The following ZNF69 variants were observed in gnomAD, a reference collection of about 807,000 sequenced individuals.
The protein encoded by ZNF69 is ZNF3.
In ZNF69, 47 loss-of-function variants were observed where a neutral mutation model predicts 50.9. That is an observed-to-expected ratio of 0.92 (90% CI 0.73 to 1.18). The LOEUF is 1.18. ZNF69 is among the 50% of genes most tolerant of loss of function. The pLI is 0.00. For missense variants in ZNF69, 717 were observed against 675.1 expected, an observed-to-expected ratio of 1.06 and a Z score of -0.69; for synonymous variants, 216 against 223.1, an observed-to-expected ratio of 0.97 and a Z score of 0.29.
the ZNF69 span, among the ~76,000 whole-genome samples, chr19:11,971,870 C>A: frequency 1.9e-4 from 29 of 152,108 alleles, no homozygotes; most frequent in Non-Finnish European, 4.1e-4. Flanking sequence ...TTGAGACCAG[C>A]CTGACAAACG....
At chr19:11,919,914 T>C in the ZNF69 span, among the ~76,000 whole-genome samples, 3 of 152,180 alleles carry the variant, frequency 2.0e-5, no homozygotes, top group South Asian at 2.1e-4. Context: ...AGCTAAGTCA[T>C]CCCAAGAGTC....
chr19:11,947,432 A>G, the ZNF69 span: 1 of 1,600,506 alleles, frequency 6.2e-7, no homozygotes, highest in Non-Finnish European at 8.5e-7. Context: ...GCATGGCTGC[A>G]GTAAATCATG....
At chr19:11,904,356 G>T (rs1021961577) in intron 3 of ZNF69, among the ~76,000 whole-genome samples, 7 of 152,130 alleles carry the variant, frequency 4.6e-5, no homozygotes, top group African/African-American at 1.7e-4. Flanking sequence ...CTCCAGTGTG[G>T]GCAACAGGAC....
chr19:11,906,936 T>A (rs1972385899), downstream of ZNF69, among the ~76,000 whole-genome samples: 1 of 152,112 alleles, frequency 6.6e-6, no homozygotes, highest in Admixed American at 6.5e-5. Flanking sequence ...TGAAAAAAGA[T>A]TAGACAAAAT....
the ZNF69 span, chr19:11,965,042 G>A: frequency 1.3e-6 from 1 of 796,910 alleles, no homozygotes; most frequent in Non-Finnish European, 2.1e-6. Context: ...TCGCATTCCT[G>A]TCCTCACCTT....
chr19:11,910,755 G>A (rs913694163), downstream of ZNF69, among the ~76,000 whole-genome samples: 2 of 152,184 alleles, frequency 1.3e-5, no homozygotes, highest in African/African-American at 4.8e-5. Context: ...TCAGGACATA[G>A]GCATGGGCAA....
chr19:11,922,105 C>T, the ZNF69 span, among the ~76,000 whole-genome samples: 2 of 151,918 alleles, frequency 1.3e-5, no homozygotes, highest in African/African-American at 4.8e-5. Context: ...ACACCCCTCC[C>T]TTCCAGAGCA....
intron 1 of ZNF69, among the ~76,000 whole-genome samples, chr19:11,902,899 A>G (rs553620043): frequency 3.6e-4 from 54 of 152,046 alleles, no homozygotes; most frequent in African/African-American, 1.1e-3. Flanking sequence ...CAGGCAACTC[A>G]CTTTTCTCCC....
chr19:11,897,187 A>G (rs1160699219), intron 1 of ZNF69, among the ~76,000 whole-genome samples: 1 of 152,092 alleles, frequency 6.6e-6, no homozygotes, highest in Non-Finnish European at 1.5e-5. Flanking sequence ...GTCTCTACTA[A>G]AAATACAAAA....
At chr19:11,909,892 C>T (rs1362152495), downstream of ZNF69, among the ~76,000 whole-genome samples, 2 of 151,042 alleles carry the variant, frequency 1.3e-5, no homozygotes, top group African/African-American at 4.9e-5. Context: ...TCCCTGTTTG[C>T]AGATGACATG....
the ZNF69 span, chr19:11,965,106 C>A: frequency 6.6e-7 from 1 of 1,524,676 alleles, no homozygotes; most frequent in South Asian, 1.1e-5. Flanking sequence ...CGAGAGGGAC[C>A]TGGTACCTCT....
chr19:11,971,137 A>G, the ZNF69 span, among the ~76,000 whole-genome samples: 2 of 152,156 alleles, frequency 1.3e-5, no homozygotes, highest in African/African-American at 2.4e-5. Flanking sequence ...GGGTAACTTA[A>G]AGAATAAACA....
chr19:11,912,523 A>G (rs1972471994), intron 4 of ZNF69, among the ~76,000 whole-genome samples: 1 of 152,130 alleles, frequency 6.6e-6, no homozygotes, highest in Non-Finnish European at 1.5e-5. Flanking sequence ...CTGGGGAGAA[A>G]CCCTATCAGT....
At chr19:11,953,795 T>TA in the ZNF69 span, among the ~76,000 whole-genome samples, 1 of 152,152 alleles carries the variant, frequency 6.6e-6, no homozygotes, top group Non-Finnish European at 1.5e-5. Context: ...TGAAAACAAA[T>TA]ACATACCATA....
At chr19:11,964,821 T>C in the ZNF69 span, among the ~76,000 whole-genome samples, 1 of 152,216 alleles carries the variant, frequency 6.6e-6, no homozygotes, top group Non-Finnish European at 1.5e-5. Context: ...CAAGTCTGGC[T>C]GAAATGCAAA....
chr19:11,901,513 C>A (rs1324555780), intron 1 of ZNF69, among the ~76,000 whole-genome samples: 1 of 152,144 alleles, frequency 6.6e-6, no homozygotes, highest in East Asian at 1.9e-4. Flanking sequence ...TTTTAAGAGT[C>A]TCACTCTGTT....
chr19:11,939,100 A>G, the ZNF69 span, among the ~76,000 whole-genome samples: 1 of 152,090 alleles, frequency 6.6e-6, no homozygotes, highest in Non-Finnish European at 1.5e-5. Context: ...AAATTTGTTT[A>G]AGTTCTTTGT....
chr19:11,906,858 T>C (rs1020031790), downstream of ZNF69, among the ~76,000 whole-genome samples: 7 of 152,166 alleles, frequency 4.6e-5, no homozygotes, highest in Admixed American at 4.6e-4. Flanking sequence ...CTTCAGATGA[T>C]CGGTAATAAC....
chr19:11,948,066 T>C, the ZNF69 span, among the ~76,000 whole-genome samples: 1 of 152,216 alleles, frequency 6.6e-6, no homozygotes, highest in Non-Finnish European at 1.5e-5. Flanking sequence ...ATGGGAATAC[T>C]ATTAAGAAGC....
Sources: allele counts gnomAD v4.1 joint callset (sites outside exome capture counted in the v4.1 genomes callset), GRCh38; gene constraint gnomAD v4.1.1; transcripts MANE v1.5; gene names NCBI Gene and HGNC (gene_info 2026-07-23, HGNC 2026-07-21).